The following DLG1 variants were observed in gnomAD, a reference collection of about 807,000 sequenced individuals.
The protein encoded by DLG1 is discs large MAGUK scaffold protein 1.
Under a neutral mutation model 123.4 loss-of-function variants are expected in DLG1, and 42 were observed. The ratio of observed to expected loss-of-function variants is 0.34; its 90% CI spans 0.27 to 0.44. The LOEUF (loss-of-function observed/expected upper bound fraction) is 0.44, where lower values mean the gene tolerates loss of function less well. Ranked by LOEUF, DLG1 falls within the 20% of genes least tolerant of loss-of-function variation. DLG1 has a pLI of 1.00. For synonymous variants in DLG1, 317 were observed against 356.2 expected (o/e 0.89, Z 1.24); for missense variants, 942 against 1,082.6 (o/e 0.87, Z 1.82).
intron 5 of DLG1, among the ~76,000 whole-genome samples, chr3:197,185,887 G>A (rs1239518892): frequency 6.6e-6 from 1 of 152,086 alleles, no homozygotes; most frequent in Non-Finnish European, 1.5e-5. Context: ...TTATCCTACA[G>A]AGCCAGAGAA....
chr3:197,068,045 T>C, intron 19 of DLG1, among the ~76,000 whole-genome samples: 1 of 152,358 alleles, frequency 6.6e-6, no homozygotes, highest in South Asian at 2.1e-4. Context: ...AATTGGTTTA[T>C]ATTATATGTA....
In DLG1 at chr3:197,065,324, A is replaced by C; in HGVS notation, c.2325T>G (p.Asn775Lys). The change falls in exon 22 of 25, where the codon AAT (asparagine) becomes AAG (lysine). Residue 775 changes from asparagine to lysine, a missense_variant. Coordinates refer to ENST00000667157, the MANE Select transcript of DLG1 (RefSeq NM_001366207.1). The part of the protein sequence containing the change: ...HKFIEAGQYN[N>K]HLYGTSVQSV... The stretch of plus-strand genomic sequence containing the variant: ...ACTGAACACTTGTTCCATATAGATG[A>C]TTGTTATACTGGCCAGCTTCAATGA... The C allele has an allele frequency of 6.2e-7, 1 of 1,612,416 alleles. No homozygotes were observed. Among genetic ancestry groups the C allele is most frequent in the Non-Finnish European group, 8.5e-7 (1 of 1,179,556 alleles).
At chr3:197,289,442 T>C (rs982214026) in intron 3 of DLG1, among the ~76,000 whole-genome samples, 1 of 152,204 alleles carries the variant, frequency 6.6e-6, no homozygotes, top group Non-Finnish European at 1.5e-5. Flanking sequence ...TCTTATGGTA[T>C]TTTACATATA....
At chr3:197,130,799 T>C in intron 10 of DLG1, 128 bp from the exon 11 acceptor site, 1 of 680,750 alleles carries the variant, frequency 1.5e-6, no homozygotes. Flanking sequence ...CGAAAGAAAA[T>C]ACCCATGTTT....
intron 5 of DLG1, chr3:197,184,105 C>A: frequency 1.7e-6 from 2 of 1,148,452 alleles, no homozygotes; most frequent in South Asian, 2.5e-5. Flanking sequence ...TCTGCAGGAA[C>A]CAAAAGCTGT....
intron 5 of DLG1, among the ~76,000 whole-genome samples, chr3:197,150,248 A>G (rs1793198449): frequency 6.6e-6 from 1 of 152,178 alleles, no homozygotes; most frequent in African/African-American, 2.4e-5. Context: ...CATCACAGAA[A>G]GAAATCAATT....
At chr3:197,089,319 G>A (rs1475762799) in intron 15 of DLG1, among the ~76,000 whole-genome samples, 1 of 152,134 alleles carries the variant, frequency 6.6e-6, no homozygotes, top group Non-Finnish European at 1.5e-5. Flanking sequence ...ATGAAGTCAG[G>A]AGATCGAGAC....
At chr3:197,138,013 C>G (rs752703253) in intron 9 of DLG1, among the ~76,000 whole-genome samples, 2 of 151,378 alleles carry the variant, frequency 1.3e-5, no homozygotes, top group Non-Finnish European at 2.9e-5. Flanking sequence ...AGGAACTTTT[C>G]AAATGCTGCA....
chr3:197,268,195 A>G (rs1762489368), intron 4 of DLG1, among the ~76,000 whole-genome samples: 1 of 152,230 alleles, frequency 6.6e-6, no homozygotes, highest in African/African-American at 2.4e-5. Flanking sequence ...AGAGCAATCA[A>G]GATTATTTAA....
At chr3:197,107,749 C>T (rs1297851008) in intron 13 of DLG1, among the ~76,000 whole-genome samples, 3 of 151,230 alleles carry the variant, frequency 2.0e-5, no homozygotes, top group African/African-American at 7.3e-5. Flanking sequence ...TTTTTCTATA[C>T]AAGATTATGT....
At chr3:197,166,849 G>A (rs1164167144) in intron 5 of DLG1, among the ~76,000 whole-genome samples, 1 of 151,696 alleles carries the variant, frequency 6.6e-6, no homozygotes, top group Non-Finnish European at 1.5e-5. Flanking sequence ...CCAAGATCAC[G>A]CCATTCCACT....
intron 4 of DLG1, among the ~76,000 whole-genome samples, chr3:197,274,624 T>G (rs1385010828): frequency 6.6e-6 from 1 of 151,934 alleles, no homozygotes; most frequent in African/African-American, 2.4e-5. Context: ...AATAGGTAAA[T>G]GAGATAACAT....
At chr3:197,220,694 C>G (rs1736533797) in intron 4 of DLG1, among the ~76,000 whole-genome samples, 1 of 152,118 alleles carries the variant, frequency 6.6e-6, no homozygotes, top group African/African-American at 2.4e-5. Flanking sequence ...GAGTTTAATA[C>G]ACCATCCTGA....
intron 4 of DLG1, among the ~76,000 whole-genome samples, chr3:197,196,629 C>A (rs1202651971): frequency 6.6e-6 from 1 of 152,166 alleles, no homozygotes; most frequent in African/African-American, 2.4e-5. Flanking sequence ...TTTTAAAAAA[C>A]TGACAATAAA....
intron 5 of DLG1, among the ~76,000 whole-genome samples, chr3:197,164,292 G>A (rs1013390926): frequency 1.1e-4 from 16 of 152,026 alleles, no homozygotes; most frequent in African/African-American, 3.6e-4. Context: ...AGCTACTTGG[G>A]AGGCTGAGAC....
At chr3:197,183,917 G>C (rs772803514) in intron 5 of DLG1, 156 of 1,447,808 alleles carry the variant, frequency 1.1e-4, no homozygotes, top group Non-Finnish European at 1.3e-4. Flanking sequence ...ATCACTTGTA[G>C]ATCAGTGAAA....
At chr3:197,091,235 T>A (rs1757567508) in intron 14 of DLG1, among the ~76,000 whole-genome samples, 1 of 152,010 alleles carries the variant, frequency 6.6e-6, no homozygotes, top group African/African-American at 2.4e-5. Context: ...ATTGGCTGAG[T>A]TAGAATTTTT....
At chr3:197,195,371 T>C (rs567538328) in intron 4 of DLG1, among the ~76,000 whole-genome samples, 1 of 152,024 alleles carries the variant, frequency 6.6e-6, no homozygotes, top group Admixed American at 6.5e-5. Flanking sequence ...ATCCCACTAC[T>C]GGGAAAAAAA....
chr3:197,117,292 T>C (rs1773845627), intron 12 of DLG1, among the ~76,000 whole-genome samples: 1 of 152,182 alleles, frequency 6.6e-6, no homozygotes, highest in South Asian at 2.1e-4. Flanking sequence ...CTCAGAAAGC[T>C]AACATAGAAT....
Sources: gnomAD v4.1 joint callset for allele counts (sites outside exome capture counted in the v4.1 genomes callset) on GRCh38, gnomAD v4.1.1 for gene constraint, MANE v1.5 for transcripts, NCBI Gene and HGNC (gene_info 2026-07-23, HGNC 2026-07-21) for gene names.